Variants in ZER1 observed in about 807,000 individuals in gnomAD.
ZER1 encodes the protein zyg-11 related cell cycle regulator.
Under a neutral mutation model 78.8 loss-of-function variants are expected in ZER1, and 11 were observed. The ratio of observed to expected loss-of-function variants is 0.14; its 90% CI spans 0.09 to 0.23. The LOEUF (loss-of-function observed/expected upper bound fraction) is 0.23, where lower values mean the gene tolerates loss of function less well. Among genes scored for constraint, ZER1 ranks in the 10% least tolerant of loss-of-function variants. The probability of loss-of-function intolerance (pLI) is 1.00; values close to 1 mark genes in which losing one functional copy is unlikely to be tolerated. For synonymous variants in ZER1, 400 were observed against 407.0 expected (o/e 0.98, Z 0.21); for missense variants, 588 against 996.9 (o/e 0.59, Z 5.52).
chr9:128,744,535 A>G (rs535545624), intron 8 of ZER1, among the ~76,000 whole-genome samples: 1 of 146,246 alleles, frequency 6.8e-6, no homozygotes, highest in African/African-American at 2.6e-5. Context: ...CTGGAATGCA[A>G]TGGCGTGATC....
At chr9:128,738,404 G>A (rs1298131145) in intron 13 of ZER1, among the ~76,000 whole-genome samples, 3 of 146,944 alleles carry the variant, frequency 2.0e-5, no homozygotes, top group East Asian at 2.0e-4. Context: ...ATTTATTTTT[G>A]AGACGGAGTC....
chr9:128,744,177 A>ATG (rs1399887138), intron 8 of ZER1, among the ~76,000 whole-genome samples: 1 of 148,956 alleles, frequency 6.7e-6, no homozygotes. Flanking sequence ...GATTACAGGC[A>ATG]TGAGCCACTG....
chr9:128,742,764 C>T lies in ZER1; in HGVS notation c.1360-19G>A. 1.9e-6 allele frequency: 3 copies of T among 1,584,138 alleles called. No individual in the cohort carries two copies. Among genetic ancestry groups the T allele is most frequent in the Non-Finnish European group, 2.6e-6 (3 of 1,166,542 alleles). ...GCTGCACCTGGGCCGGGACAGGACACAAGTGGGGCACATTCAGGGTCAGAC... is the reference window on the plus strand; with the variant it reads ...GCTGCACCTGGGCCGGGACAGGACATAAGTGGGGCACATTCAGGGTCAGAC... On this transcript the variant is annotated intron_variant, in intron 8 of 15. Transcript: ENST00000291900.
intron 13 of ZER1, among the ~76,000 whole-genome samples, chr9:128,737,639 C>T (rs1231398851): frequency 6.6e-6 from 1 of 152,172 alleles, no homozygotes; most frequent in East Asian, 1.9e-4. Flanking sequence ...TGGAAGGAGA[C>T]ACACCAAAAT....
intron 1 of ZER1, among the ~76,000 whole-genome samples, chr9:128,760,526 G>A (rs1408032147): frequency 2.0e-5 from 3 of 152,066 alleles, no homozygotes; most frequent in Non-Finnish European, 2.9e-5. Flanking sequence ...TTAAGTGCAG[G>A]CTCTGTGGTC....
intron 14 of ZER1, among the ~76,000 whole-genome samples, chr9:128,733,747 T>C (rs1259452660): frequency 6.6e-6 from 1 of 150,652 alleles, no homozygotes; most frequent in Admixed American, 6.6e-5. Flanking sequence ...ACTCCTTGGT[T>C]TGAAGTTGCT....
intron 1 of ZER1, among the ~76,000 whole-genome samples, chr9:128,759,864 T>TTTTG (rs769980884): frequency 6.6e-6 from 1 of 152,164 alleles, no homozygotes; most frequent in African/African-American, 2.4e-5. Flanking sequence ...GTATGTATTT[T>TTTTG]TTTGTTTGTT....
At chr9:128,734,531 G>T (rs75963684) in intron 14 of ZER1, among the ~76,000 whole-genome samples, 3 of 151,142 alleles carry the variant, frequency 2.0e-5, no homozygotes, top group East Asian at 3.9e-4. Context: ...ACAGGGTTGC[G>T]CTGTGTTGCC....
chr9:128,764,168 G>A (rs1589547131), intron 1 of ZER1, among the ~76,000 whole-genome samples: 1 of 152,242 alleles, frequency 6.6e-6, no homozygotes, highest in South Asian at 2.1e-4. Context: ...TTTGCTAAAT[G>A]AACAAAGGAA....
chr9:128,759,656 G>A (rs1391603026), intron 1 of ZER1, among the ~76,000 whole-genome samples: 3 of 151,926 alleles, frequency 2.0e-5, no homozygotes, highest in African/African-American at 7.2e-5. Flanking sequence ...TTAGCCGGGC[G>A]TGGTGGCACG....
chr9:128,755,639 G>C lies in ZER1; in HGVS notation c.-74C>G. On this transcript the variant is annotated 5_prime_UTR_variant, in exon 2 of 16. In the 5' UTR this introduces an upstream ATG that the reference lacks. Coordinates refer to ENST00000291900, the MANE Select transcript of ZER1 (RefSeq NM_006336.4). This position sits in a 1 kb window ranked among gnomAD's most constrained non-coding sequence, Gnocchi z 5.6. ...AACAGTGATTCCTGAATACTCACAGGATCATTGGCAGAGCCACTGCCTGGG... is the reference window on the plus strand; with the variant it reads ...AACAGTGATTCCTGAATACTCACAGCATCATTGGCAGAGCCACTGCCTGGG... The C allele has an allele frequency of 6.4e-7, 1 of 1,561,880 alleles. No individual in the cohort carries two copies. The highest frequency in any genetic ancestry group is 1.1e-5 in the South Asian group (1 of 87,380).
chr9:128,761,900 G>A (rs1268014612), intron 1 of ZER1, among the ~76,000 whole-genome samples: 4 of 152,190 alleles, frequency 2.6e-5, no homozygotes, highest in African/African-American at 4.8e-5. Context: ...CACCGCGCCC[G>A]GCTGACCCCA....
rs767172849 is a variant in ZER1, at chr9:128,753,319, C to A, written c.591G>T (p.Pro197=). The change falls in exon 4 of 16, where the codon CCG becomes CCT. Residue 197 remains proline, a synonymous_variant. Coordinates refer to ENST00000291900, the MANE Select transcript of ZER1 (RefSeq NM_006336.4). This position sits in a 1 kb window ranked among gnomAD's most constrained non-coding sequence, Gnocchi z 7.5. ...DWVPVESLLR[P]LNSLAALDLS... ...GGTCCAAGGCAGCCAGGGAGTTAAG[C>A]GGCCGCAGCAGGGACTCCACAGGGA... 2 of 1,612,684 alleles carry A rather than the reference C, an allele frequency of 1.2e-6. No individual in the cohort carries two copies. Among genetic ancestry groups the A allele is most frequent in the South Asian group, 2.2e-5 (2 of 90,814 alleles).
chr9:128,753,735 G>A lies in ZER1; in HGVS notation c.309+74C>T. 6.4e-7 allele frequency: 1 copy of A among 1,563,690 alleles called. No individual in the cohort carries two copies. The highest frequency in any genetic ancestry group is 8.7e-7 in the Non-Finnish European group (1 of 1,154,442). ...GTGCACACTGGCTGGGCTGGGGATG[G>A]CTGGGCTGGAGGCGAGCAGCCTGGC... On this transcript the variant is annotated intron_variant, in intron 3 of 15. Transcript: ENST00000291900. The surrounding 1 kb of genome is among the most constrained non-coding windows in gnomAD (Gnocchi z 7.5).
At chr9:128,739,856 T>C in intron 13 of ZER1, 75 bp downstream of exon 13, 1 of 1,530,702 alleles carries the variant, frequency 6.5e-7, no homozygotes, top group Non-Finnish European at 8.9e-7. Flanking sequence ...TGAGCAGACC[T>C]TAATGGTATG....
chr9:128,733,648 T>C, intron 14 of ZER1, 120 bp from the exon 15 acceptor site: 1 of 850,660 alleles, frequency 1.2e-6, no homozygotes, highest in Admixed American at 2.2e-5. Flanking sequence ...GCACAGCCCT[T>C]GGTGGGGGCA....
chr9:128,748,628 G>A (rs1157110849), intron 8 of ZER1, among the ~76,000 whole-genome samples: 2 of 151,730 alleles, frequency 1.3e-5, no homozygotes, highest in African/African-American at 4.8e-5. Flanking sequence ...CTGGAGTTCG[G>A]TGGCTTGATC....
At chr9:128,736,463 G>A (rs559602652) in intron 13 of ZER1, among the ~76,000 whole-genome samples, 2 of 147,148 alleles carry the variant, frequency 1.4e-5, no homozygotes, top group African/African-American at 2.5e-5. Flanking sequence ...GTGCAATCTC[G>A]GCTCACTGCA....
At chr9:128,762,867 C>T (rs1260891265) in intron 1 of ZER1, among the ~76,000 whole-genome samples, 2 of 152,210 alleles carry the variant, frequency 1.3e-5, no homozygotes, top group Non-Finnish European at 2.9e-5. Context: ...AAGAGCCCAG[C>T]AGCCTCTCTT....
Sources: gnomAD v4.1 joint callset for allele counts (sites outside exome capture counted in the v4.1 genomes callset) on GRCh38, gnomAD v4.1.1 for gene constraint, Gnocchi (gnomAD v3.1) non-coding constraint, MANE v1.5 for transcripts, NCBI Gene and HGNC (gene_info 2026-07-23, HGNC 2026-07-21) for gene names.